The following PARP4 variants were observed in gnomAD, a reference collection of about 807,000 sequenced individuals.
The protein encoded by PARP4 is poly(ADP-ribose) polymerase family member 4, also known as protein mono-ADP-ribosyltransferase PARP4.
Under a neutral mutation model 187.7 loss-of-function variants are expected in PARP4, and 120 were observed. The observed-to-expected ratio is 0.64, with a 90% confidence interval of 0.55 to 0.74. PARP4 has a LOEUF of 0.74. Ranked by LOEUF, PARP4 falls within the 30% of genes least tolerant of loss-of-function variation. The probability of loss-of-function intolerance (pLI) is 0.00; values close to 1 mark genes in which losing one functional copy is unlikely to be tolerated. For missense variants in PARP4, 1,836 were observed against 2,070.5 expected (o/e 0.89, Z 2.20); for synonymous variants, 654 against 740.9 (o/e 0.88, Z 1.90).
chr13:24,460,371 G>A (rs1446441902), intron 17 of PARP4, among the ~76,000 whole-genome samples: 1 of 152,092 alleles, frequency 6.6e-6, no homozygotes, highest in Admixed American at 6.5e-5. Flanking sequence ...GGCCCCCTTG[G>A]CAGCGGAACT....
Position 24,443,361 on chromosome 13 carries a change from A to AC in PARP4, c.3447+288dup, listed in dbSNP as rs1871045530. 2.0e-5 allele frequency among the ~76,000 whole-genome samples: 3 copies of AC among 152,144 alleles called. No homozygotes were observed. The South Asian group carries it at 6.2e-4, about 32-fold the overall frequency. On this transcript the variant is annotated intron_variant, in intron 28 of 33. Coordinates refer to ENST00000381989, the MANE Select transcript of PARP4 (RefSeq NM_006437.4). ...CGAGAGATCTGAGGTGACGTCCACT[A>AC]CAGGCACTCAGCGAGTGTTCTCTGA...
chr13:24,475,743 CT>C lies in PARP4; in HGVS notation c.1790-148del, dbSNP rs1872951842. On this transcript the variant is annotated intron_variant, in intron 14 of 33. Transcript: ENST00000381989. ...ATTTTATGATTTTCAATAGCCAATTCTGAAAAGCAAGTGAACCCACATGAGA... is the reference window on the plus strand; with the variant it reads ...ATTTTATGATTTTCAATAGCCAATTCGAAAAGCAAGTGAACCCACATGAGA... 5 of 831,410 alleles carry C rather than the reference CT, an allele frequency of 6.0e-6. No individual in the cohort carries two copies. The South Asian group carries it at 8.7e-5, about 15-fold the overall frequency. 51.5% of individuals were successfully genotyped at this position (831,410 alleles called of 1,614,324 possible).
intron 22 of PARP4, 24 bp from the exon 23 acceptor site, chr13:24,453,678 G>C (rs199518014): frequency 7.1e-7 from 1 of 1,416,562 alleles, no homozygotes; most frequent in East Asian, 2.3e-5. Context: ...TCAGCATGAG[G>C]TGCTGCTTCC....
intron 33 of PARP4, among the ~76,000 whole-genome samples, chr13:24,421,904 G>A (rs1869766368): frequency 6.6e-6 from 1 of 152,244 alleles, no homozygotes; most frequent in Non-Finnish European, 1.5e-5. Context: ...AAAATTCTGA[G>A]GTTGTTCATT....
intron 14 of PARP4, 94 bp downstream of exon 14, chr13:24,477,607 T>C: frequency 1.3e-6 from 1 of 762,892 alleles, no homozygotes; most frequent in South Asian, 1.6e-5. Context: ...AGGTCATAGA[T>C]ATAACAAATG....
chr13:24,466,796 C>CAAAAAAA (rs34197201), intron 17 of PARP4, among the ~76,000 whole-genome samples: 6,220 of 90,356 alleles, frequency 0.069, 303 homozygotes, highest in Non-Finnish European at 0.1. Context: ...GACTCTGTCT[C>CAAAAAAA]AAAAAAAAAA....
Position 24,426,518 on chromosome 13 carries a change from CT to C in PARP4, c.4926del (p.Glu1643ArgfsTer3). ...ATCAGTGATTTGAACACTATTCCCT[CT>C]TTTTCCAACCTGGTGCGAATAAACT... is the stretch of plus-strand genomic sequence containing the variant. Reference protein sequence around the residue: ...VLQFIRTRLEKEGIVFKSLMK... With the variant: ...VLQFIRTRLEXEGIVFKSLMK... On this transcript the variant is annotated frameshift_variant, in exon 33 of 34. Coordinates refer to ENST00000381989, the MANE Select transcript of PARP4 (RefSeq NM_006437.4). LOFTEE classifies it high-confidence loss of function. 1 of 1,612,482 alleles carries C rather than the reference CT, an allele frequency of 6.2e-7. No homozygotes were observed. The highest frequency in any genetic ancestry group is 8.5e-7 in the Non-Finnish European group (1 of 1,179,040).
chr13:24,470,915 G>A (rs2902360), intron 15 of PARP4, among the ~76,000 whole-genome samples: 77,297 of 151,860 alleles, frequency 0.51, 19,983 homozygotes, highest in South Asian at 0.65. Flanking sequence ...GCACCGTCCT[G>A]GAGACAGAAT....
At chr13:24,498,420 TG>T (rs1869082738) in intron 5 of PARP4, among the ~76,000 whole-genome samples, 191 bp from the exon 6 acceptor site, 1 of 152,244 alleles carries the variant, frequency 6.6e-6, no homozygotes, top group South Asian at 2.1e-4. Flanking sequence ...ATTAATATTT[TG>T]GTATGTTTCC....
At chr13:24,450,529 A>G (rs1178890000) in intron 24 of PARP4, among the ~76,000 whole-genome samples, 1 of 152,154 alleles carries the variant, frequency 6.6e-6, no homozygotes, top group Non-Finnish European at 1.5e-5. Flanking sequence ...TGACTAGAAG[A>G]TCCCTAACAT....
chr13:24,491,868 C>T (rs953370788), intron 9 of PARP4, among the ~76,000 whole-genome samples: 14 of 152,210 alleles, frequency 9.2e-5, no homozygotes, highest in African/African-American at 3.4e-4. Flanking sequence ...CCAGGGGCTT[C>T]CTCTATGTGA....
chr13:24,423,658 T>C (rs1279580372), intron 33 of PARP4, among the ~76,000 whole-genome samples: 1 of 152,196 alleles, frequency 6.6e-6, no homozygotes, highest in Non-Finnish European at 1.5e-5. Context: ...AATGGAAGTA[T>C]AAATTACATA....
chr13:24,506,702 G>A (rs1869707349), intron 1 of PARP4, among the ~76,000 whole-genome samples: 1 of 152,164 alleles, frequency 6.6e-6, no homozygotes, highest in Admixed American at 6.5e-5. Flanking sequence ...CAATCCCTTA[G>A]CTAGACATAA....
intron 32 of PARP4, among the ~76,000 whole-genome samples, chr13:24,427,573 C>T (rs1870123854): frequency 6.6e-6 from 1 of 152,054 alleles, no homozygotes; most frequent in South Asian, 2.1e-4. Context: ...AAACCCAAAT[C>T]TTTGTCTTAT....
chr13:24,490,779 T>C lies in PARP4; in HGVS notation c.1103A>G (p.Asn368Ser), dbSNP rs1197578912. The C allele has an allele frequency of 6.2e-7, 1 of 1,614,092 alleles. No homozygotes were observed. The highest frequency in any genetic ancestry group is 1.1e-5 in the South Asian group (1 of 91,082). The change falls in exon 10 of 34, where the codon AAC becomes AGC. Residue 368 changes from asparagine (N) to serine (S), a missense_variant. By Grantham distance (46) the Asn-to-Ser change is conservative. This residue lies in a region of PARP4 where 1,147 missense variants were observed against 1,214.2 expected (regional missense o/e 0.94). Coordinates refer to ENST00000381989, the MANE Select transcript of PARP4 (RefSeq NM_006437.4). ...NVCETNLSKP[N>S]PPSLAKYRAL... ...TCGGTATTTGGCCAGGGATGGTGGG[T>C]TGGGTTTGGACAAATTAGTTTCACA...
intron 18 of PARP4, among the ~76,000 whole-genome samples, chr13:24,459,759 CA>C (rs149573501): frequency 0.11 from 16,573 of 152,192 alleles, 1,242 homozygotes; most frequent in Middle Eastern, 0.23. Context: ...AGTGATTAAG[CA>C]GAATAAAAAT....
intron 30 of PARP4, among the ~76,000 whole-genome samples, chr13:24,437,540 A>C (rs1360399506): frequency 6.6e-6 from 1 of 152,178 alleles, no homozygotes; most frequent in African/African-American, 2.4e-5. Flanking sequence ...TAAAATCTCA[A>C]TTAAAAAAAT....
At chr13:24,481,013 A>G (rs1407350350) in intron 12 of PARP4, among the ~76,000 whole-genome samples, 1 of 152,266 alleles carries the variant, frequency 6.6e-6, no homozygotes, top group East Asian at 1.9e-4. Context: ...GCTTCAGACG[A>G]CAGGCTGACT....
intron 31 of PARP4, among the ~76,000 whole-genome samples, chr13:24,433,162 C>T (rs1870436854): frequency 6.6e-6 from 1 of 152,106 alleles, no homozygotes; most frequent in Admixed American, 6.5e-5. Flanking sequence ...GGCTCCTGTT[C>T]CCATTATCTC....
Sources: gnomAD v4.1 joint callset for allele counts (sites outside exome capture counted in the v4.1 genomes callset) on GRCh38, gnomAD v4.1.1 for gene constraint, gnomAD v4.1.1 regional missense constraint, MANE v1.5 for transcripts, NCBI Gene and HGNC (gene_info 2026-07-23, HGNC 2026-07-21) for gene names.